DPP10: variants seen among roughly 807,000 people sequenced by gnomAD.
The protein encoded by DPP10 is dipeptidyl peptidase like 10, also known as inactive dipeptidyl peptidase 10.
DPP10 carries 33 observed loss-of-function variants against 120.9 expected under a neutral mutation model. The observed-to-expected ratio is 0.27, with a 90% CI of 0.21 to 0.37. DPP10 has a LOEUF of 0.37. DPP10 is among the 10% of genes least tolerant of loss of function. DPP10 has a pLI of 1.00. For synonymous variants in DPP10, 337 were observed against 326.1 expected (o/e 1.03, Z -0.36); for missense variants, 816 against 942.8 (o/e 0.87, Z 1.76).
At chr2:114,640,867 G>A (rs1695655158) in intron 1 of DPP10, among the ~76,000 whole-genome samples, 1 of 151,908 alleles carries the variant, frequency 6.6e-6, no homozygotes, top group African/African-American at 2.4e-5. Flanking sequence ...GGAATGAGGG[G>A]AAGGAGGTTT....
intron 1 of DPP10, chr2:115,161,808 T>TCCCCACCCCCC: frequency 1.3e-6 from 1 of 754,878 alleles, no homozygotes; most frequent in Non-Finnish European, 1.9e-6. Context: ...CCGCTCTTCT[T>TCCCCACCCCCC]CCCCTCCCCG....
chr2:114,870,202 T>A (rs1690574233), intron 1 of DPP10, among the ~76,000 whole-genome samples: 1 of 152,180 alleles, frequency 6.6e-6, no homozygotes, highest in Non-Finnish European at 1.5e-5. Context: ...CAGCTATGCC[T>A]TATTGAGTTT....
intron 1 of DPP10, among the ~76,000 whole-genome samples, chr2:114,591,021 A>G (rs528298078): frequency 6.6e-6 from 1 of 152,284 alleles, no homozygotes; most frequent in African/African-American, 2.4e-5. Flanking sequence ...GTATTTGGGG[A>G]AAATCAGGAA....
chr2:114,834,417 C>A (rs1376923531), intron 1 of DPP10, among the ~76,000 whole-genome samples: 2 of 151,330 alleles, frequency 1.3e-5, no homozygotes, highest in Admixed American at 1.3e-4. Flanking sequence ...TATCTACACA[C>A]CTATGTATAT....
chr2:114,815,611 C>T (rs564335163), intron 1 of DPP10, among the ~76,000 whole-genome samples: 7 of 152,266 alleles, frequency 4.6e-5, no homozygotes, highest in African/African-American at 1.7e-4. Flanking sequence ...GTAGAGCTGC[C>T]TAATGGTTGA....
chr2:115,515,869 A>C (rs144807055), intron 4 of DPP10, among the ~76,000 whole-genome samples: 1 of 152,264 alleles, frequency 6.6e-6, no homozygotes, highest in African/African-American at 2.4e-5. Context: ...TCAGTTTTTA[A>C]AATGAAATAA....
At chr2:115,257,642 C>T (rs1238136011) in intron 1 of DPP10, among the ~76,000 whole-genome samples, 1 of 152,140 alleles carries the variant, frequency 6.6e-6, no homozygotes, top group African/African-American at 2.4e-5. Context: ...TTTGGAGAGG[C>T]CATATATCCA....
intron 5 of DPP10, among the ~76,000 whole-genome samples, chr2:115,678,634 A>G (rs1042719888): frequency 6.6e-6 from 1 of 152,210 alleles, no homozygotes; most frequent in Non-Finnish European, 1.5e-5. Flanking sequence ...CCCTACACAG[A>G]GTCCCCACTA....
chr2:115,532,225 A>G (rs1355949905), intron 5 of DPP10, among the ~76,000 whole-genome samples: 6 of 151,878 alleles, frequency 4.0e-5, no homozygotes, highest in Non-Finnish European at 8.8e-5. Context: ...ATCAATGTAA[A>G]CCTCCCAAAG....
At chr2:115,612,426 T>C (rs1409931753) in intron 5 of DPP10, among the ~76,000 whole-genome samples, 2 of 152,172 alleles carry the variant, frequency 1.3e-5, no homozygotes, top group Non-Finnish European at 2.9e-5. Flanking sequence ...ACAAATATGG[T>C]TTGACTAACC....
chr2:114,920,108 C>T (rs1695093527), intron 1 of DPP10, among the ~76,000 whole-genome samples: 1 of 152,116 alleles, frequency 6.6e-6, no homozygotes, highest in Non-Finnish European at 1.5e-5. Flanking sequence ...AAATAAACTC[C>T]ATCTCTGAGT....
chr2:114,905,083 T>C (rs1382762545), intron 1 of DPP10, among the ~76,000 whole-genome samples: 1 of 152,230 alleles, frequency 6.6e-6, no homozygotes, highest in Admixed American at 6.5e-5. Flanking sequence ...ATTGCTGGAA[T>C]TAGATATAAA....
chr2:115,677,814 G>A (rs1451959882), intron 5 of DPP10, among the ~76,000 whole-genome samples: 1 of 152,160 alleles, frequency 6.6e-6, no homozygotes, highest in Non-Finnish European at 1.5e-5. Flanking sequence ...CTCCACTACA[G>A]TAAAAGCTGG....
intron 5 of DPP10, among the ~76,000 whole-genome samples, chr2:115,634,869 C>T (rs891293991): frequency 5.3e-5 from 8 of 151,212 alleles, no homozygotes; most frequent in African/African-American, 1.9e-4. Flanking sequence ...TCTAGGGGCT[C>T]AGTCCCAGAG....
At chr2:115,646,805 A>C (rs1159667730) in intron 5 of DPP10, among the ~76,000 whole-genome samples, 1 of 152,078 alleles carries the variant, frequency 6.6e-6, no homozygotes, top group Non-Finnish European at 1.5e-5. Flanking sequence ...GAATTGTACC[A>C]CTATTAAGTT....
At chr2:115,775,102 A>G (rs1681936590) in intron 13 of DPP10, among the ~76,000 whole-genome samples, 6 of 152,128 alleles carry the variant, frequency 3.9e-5, no homozygotes. Context: ...AAAATATGCA[A>G]TACATATAAA....
intron 3 of DPP10, among the ~76,000 whole-genome samples, chr2:115,374,657 C>G (rs145996892): frequency 6.6e-6 from 1 of 152,212 alleles, no homozygotes; most frequent in Non-Finnish European, 1.5e-5. Context: ...GACATCCAGG[C>G]GTTTCCATAT....
chr2:115,435,566 AGTT>A (rs1351968488), intron 3 of DPP10, among the ~76,000 whole-genome samples: 3 of 151,038 alleles, frequency 2.0e-5, no homozygotes. Flanking sequence ...TTTGCTATTG[AGTT>A]GTTTGAGTTC....
At chr2:115,804,369 G>T (rs1685651537) in intron 19 of DPP10, among the ~76,000 whole-genome samples, 1 of 152,062 alleles carries the variant, frequency 6.6e-6, no homozygotes, top group South Asian at 2.1e-4. Context: ...CTTTGCCACG[G>T]GTTCGAACTT....
Sources: allele counts gnomAD v4.1 joint callset (sites outside exome capture counted in the v4.1 genomes callset), GRCh38; gene constraint gnomAD v4.1.1; transcripts MANE v1.5; gene names NCBI Gene and HGNC (gene_info 2026-07-23, HGNC 2026-07-21).